The following SMYD3 variants were observed in gnomAD, a reference collection of about 807,000 sequenced individuals.
The protein encoded by SMYD3 is histone-lysine N-methyltransferase SMYD3.
Under a neutral mutation model 57.7 loss-of-function variants are expected in SMYD3, and 36 were observed. That is an observed-to-expected ratio of 0.62 (90% confidence interval 0.48 to 0.82). The LOEUF is 0.82. Ranked by LOEUF, SMYD3 falls within the 40% of genes least tolerant of loss-of-function variation. The pLI is 0.00. For synonymous variants in SMYD3, 211 were observed against 195.0 expected (o/e 1.08, Z -0.68); for missense variants, 515 against 538.8 (o/e 0.96, Z 0.44).
intron 5 of SMYD3, among the ~76,000 whole-genome samples, chr1:246,068,406 A>AT (rs2060385312): frequency 6.6e-6 from 1 of 152,158 alleles, no homozygotes; most frequent in Non-Finnish European, 1.5e-5. Flanking sequence ...TCTCTTCTTT[A>AT]TAACAAAAAG....
chr1:246,160,775 G>A (rs1375262064), intron 5 of SMYD3, among the ~76,000 whole-genome samples: 1 of 152,208 alleles, frequency 6.6e-6, no homozygotes, highest in African/African-American at 2.4e-5. Context: ...AGCAGTGAGT[G>A]AGGATTCTGT....
At chr1:246,041,463 T>C (rs767811720) in intron 5 of SMYD3, among the ~76,000 whole-genome samples, 1 of 152,222 alleles carries the variant, frequency 6.6e-6, no homozygotes, top group Non-Finnish European at 1.5e-5. Flanking sequence ...AAGTTTCTAA[T>C]AGTAAGTTTC....
intron 5 of SMYD3, among the ~76,000 whole-genome samples, chr1:246,077,075 G>C (rs10924491): frequency 0.09 from 13,643 of 152,082 alleles, 1,858 homozygotes; most frequent in African/African-American, 0.29. Context: ...GGGAAGTGTA[G>C]GACAATTCAG....
chr1:246,157,847 G>T (rs1486135239), intron 5 of SMYD3, among the ~76,000 whole-genome samples: 1 of 152,214 alleles, frequency 6.6e-6, no homozygotes, highest in African/African-American at 2.4e-5. Flanking sequence ...CTGCATTAAG[G>T]ATCTAGACCT....
intron 1 of SMYD3, among the ~76,000 whole-genome samples, chr1:246,414,977 A>G (rs2067037331): frequency 6.6e-6 from 1 of 152,134 alleles, no homozygotes; most frequent in African/African-American, 2.4e-5. Flanking sequence ...TCGGCCTCCC[A>G]AAGTCCTGGG....
intron 5 of SMYD3, among the ~76,000 whole-genome samples, chr1:245,934,992 T>G (rs1197640529): frequency 1.3e-5 from 2 of 152,156 alleles, no homozygotes; most frequent in Non-Finnish European, 2.9e-5. Flanking sequence ...TTTGCAAACC[T>G]AATGGACCCC....
chr1:245,962,194 T>G (rs1380599483), intron 5 of SMYD3, among the ~76,000 whole-genome samples: 1 of 152,136 alleles, frequency 6.6e-6, no homozygotes, highest in Non-Finnish European at 1.5e-5. Flanking sequence ...AACCACCAAC[T>G]TCATGGTGAA....
At chr1:246,142,444 C>T (rs932982813) in intron 5 of SMYD3, among the ~76,000 whole-genome samples, 3 of 151,966 alleles carry the variant, frequency 2.0e-5, no homozygotes, top group Non-Finnish European at 2.9e-5. Flanking sequence ...AAATTGACAG[C>T]GCTAGTCTTG....
Position 246,507,100 on chromosome 1 carries a change from C to T in SMYD3, c.118G>A (p.Val40Met), listed in dbSNP as rs1232331112. 2 of 1,530,262 alleles carry T rather than the reference C, an allele frequency of 1.3e-6. No homozygotes were observed. Among genetic ancestry groups the T allele is most frequent in the South Asian group, 2.5e-5 (2 of 81,622 alleles). 94.8% of individuals were successfully genotyped at this position (1,530,262 alleles called of 1,614,324 possible). The change falls in exon 1 of 12, where the codon GTG becomes ATG. Residue 40 changes from valine to methionine, a missense_variant. Val to Met is a conservative substitution (Grantham distance 21). Transcript: ENST00000490107. ...LFRSDPLAYT[V>M]CKGSRGVVCD... ...ACGACGCCACGACTCCCCTTGCACA[C>T]CGTGTACGCCAAGGGATCCGAGCGG...
intron 1 of SMYD3, among the ~76,000 whole-genome samples, chr1:246,390,907 G>C (rs889014007): frequency 6.6e-6 from 1 of 151,976 alleles, no homozygotes; most frequent in African/African-American, 2.4e-5. Context: ...AATTAAAACG[G>C]TACACTCCAA....
chr1:245,766,067 GA>G (rs2046079926), intron 10 of SMYD3, among the ~76,000 whole-genome samples: 7 of 152,048 alleles, frequency 4.6e-5, no homozygotes. Context: ...TACCTGGGAG[GA>G]AAGTATTTAA....
At chr1:245,895,145 T>C (rs1322264338) in intron 8 of SMYD3, among the ~76,000 whole-genome samples, 2 of 150,004 alleles carry the variant, frequency 1.3e-5, no homozygotes, top group East Asian at 4.0e-4. Flanking sequence ...ATTATGTGAT[T>C]ATGAAGTCAG....
chr1:245,895,513 A>G (rs1371606305), intron 8 of SMYD3, among the ~76,000 whole-genome samples: 1 of 152,018 alleles, frequency 6.6e-6, no homozygotes, highest in African/African-American at 2.4e-5. Context: ...AGCAGAAAAA[A>G]TCTTGGTTTC....
chr1:245,949,398 C>T (rs934500529), intron 5 of SMYD3, among the ~76,000 whole-genome samples: 1 of 152,188 alleles, frequency 6.6e-6, no homozygotes, highest in Non-Finnish European at 1.5e-5. Flanking sequence ...AACAACCACA[C>T]CACCCAGAGC....
At chr1:246,036,050 A>G (rs1271183394) in intron 5 of SMYD3, among the ~76,000 whole-genome samples, 1 of 152,214 alleles carries the variant, frequency 6.6e-6, no homozygotes, top group African/African-American at 2.4e-5. Context: ...AAAAATATAC[A>G]GTGTCATTGA....
intron 5 of SMYD3, among the ~76,000 whole-genome samples, chr1:246,238,653 TTTTC>T (rs1398495561): frequency 6.6e-6 from 1 of 152,196 alleles, no homozygotes; most frequent in Non-Finnish European, 1.5e-5. Flanking sequence ...GTTTTTTTGC[TTTTC>T]TTTACTTTAC....
intron 5 of SMYD3, among the ~76,000 whole-genome samples, chr1:246,255,370 A>G (rs1438925190): frequency 6.6e-6 from 1 of 151,112 alleles, no homozygotes; most frequent in Non-Finnish European, 1.5e-5. Flanking sequence ...TGGTTTCTTG[A>G]GGGTTTTTAT....
chr1:246,330,490 A>T lies in SMYD3; in HGVS notation c.384T>A (p.Asp128Glu). 2 of 1,589,868 alleles carry T rather than the reference A, an allele frequency of 1.3e-6. No individual in the cohort carries two copies. Among genetic ancestry groups the T allele is most frequent in the Non-Finnish European group, 1.7e-6 (2 of 1,170,020 alleles). ...SESEKLYSFY[D>E]LESNINKLTE... is the part of the protein sequence containing the mutation. The stretch of plus-strand genomic sequence containing the variant: ...TAGACAATCACTTACTTGACTCCAG[A>T]TCATAAAATGAGTAAAGCTTCTCTG... The change falls in exon 4 of 12, where the codon GAT becomes GAA. Residue 128 changes from aspartate (D) to glutamate (E), a missense_variant. Coordinates refer to ENST00000490107, the MANE Select transcript of SMYD3 (RefSeq NM_001167740.2).
intron 5 of SMYD3, among the ~76,000 whole-genome samples, chr1:246,030,768 A>C (rs2059657617): frequency 6.6e-6 from 1 of 152,206 alleles, no homozygotes; most frequent in Admixed American, 6.5e-5. Flanking sequence ...CACACAAATT[A>C]CGTTATTTAC....
Sources: allele counts gnomAD v4.1 joint callset (sites outside exome capture counted in the v4.1 genomes callset), GRCh38; gene constraint gnomAD v4.1.1; transcripts MANE v1.5; gene names NCBI Gene and HGNC (gene_info 2026-07-23, HGNC 2026-07-21).